Variants in TMEM135 observed in about 807,000 individuals in gnomAD.
The protein encoded by TMEM135 is peroxisomal membrane protein 52.
In TMEM135, 30 loss-of-function variants were observed where a neutral mutation model predicts 60.3. That is an observed-to-expected ratio of 0.50 (90% CI 0.37 to 0.68). The LOEUF (loss-of-function observed/expected upper bound fraction) is 0.68. TMEM135 is among the 30% of genes least tolerant of loss of function. The pLI, the probability that TMEM135 is intolerant of heterozygous loss-of-function variation, is 0.00. For missense variants in TMEM135, 468 were observed against 548.8 expected (o/e 0.85, Z 1.47); for synonymous variants, 190 against 186.7 (o/e 1.02, Z -0.14).
At chr11:87,202,011 TAATG>T (rs1591099859) in intron 5 of TMEM135, among the ~76,000 whole-genome samples, 1 of 42,398 alleles carries the variant, frequency 2.4e-5, no homozygotes, top group East Asian at 1.3e-3. Context: ...TTATGTTATG[TAATG>T]TTATGTTATG....
intron 6 of TMEM135, among the ~76,000 whole-genome samples, chr11:87,254,443 A>G (rs192096527): frequency 3.6e-4 from 55 of 152,286 alleles, no homozygotes; most frequent in African/African-American, 1.2e-3. Context: ...GTGGCCTTCA[A>G]TAAGATACTT....
intron 1 of TMEM135, among the ~76,000 whole-genome samples, chr11:87,038,902 A>G (rs1356368862): frequency 2.0e-5 from 3 of 152,200 alleles, no homozygotes; most frequent in Admixed American, 6.5e-5. Context: ...GGCAGTATGT[A>G]TATGTAACAC....
At chr11:87,239,007 C>G (rs995482176) in intron 6 of TMEM135, among the ~76,000 whole-genome samples, 1 of 151,924 alleles carries the variant, frequency 6.6e-6, no homozygotes. Context: ...GTTAAATACA[C>G]CAATAAAGAC....
intron 5 of TMEM135, among the ~76,000 whole-genome samples, chr11:87,169,203 G>A (rs766251193): frequency 4.0e-5 from 6 of 149,050 alleles, no homozygotes; most frequent in East Asian, 2.0e-4. Flanking sequence ...GTCTTTGCAC[G>A]TGAGATGGGA....
At chr11:87,204,383 T>C (rs1297053886) in intron 5 of TMEM135, among the ~76,000 whole-genome samples, 1 of 152,174 alleles carries the variant, frequency 6.6e-6, no homozygotes, top group Non-Finnish European at 1.5e-5. Flanking sequence ...GAGTACCTTT[T>C]GTCCCATTCA....
At chr11:87,181,037 T>G (rs1939500907) in intron 5 of TMEM135, among the ~76,000 whole-genome samples, 1 of 152,214 alleles carries the variant, frequency 6.6e-6, no homozygotes, top group Admixed American at 6.5e-5. Flanking sequence ...GAGCAGCTAT[T>G]ATAACTCTGT....
chr11:87,262,654 T>C (rs1363473113), intron 6 of TMEM135, among the ~76,000 whole-genome samples: 2 of 152,196 alleles, frequency 1.3e-5, no homozygotes, highest in Non-Finnish European at 2.9e-5. Flanking sequence ...CTGAGTGGCA[T>C]ATAACAGCAA....
intron 1 of TMEM135, among the ~76,000 whole-genome samples, chr11:87,061,112 A>G (rs1949942370): frequency 6.6e-6 from 1 of 152,206 alleles, no homozygotes; most frequent in African/African-American, 2.4e-5. Context: ...TTTGTATGGT[A>G]TATAGGATGG....
At chr11:87,169,122 A>C (rs537712) in intron 5 of TMEM135, among the ~76,000 whole-genome samples, 64,788 of 150,330 alleles carry the variant, frequency 0.43, 14,818 homozygotes, top group East Asian at 0.67. Context: ...AGGATTGCAA[A>C]CCTTGCTTTT....
intron 5 of TMEM135, among the ~76,000 whole-genome samples, chr11:87,202,962 G>A (rs1404820126): frequency 6.7e-6 from 1 of 148,902 alleles, no homozygotes; most frequent in Non-Finnish European, 1.5e-5. Context: ...GAACCCGGGA[G>A]GCGGAGCTTG....
intron 3 of TMEM135, among the ~76,000 whole-genome samples, chr11:87,076,752 A>G (rs1346821352): frequency 6.6e-6 from 1 of 152,042 alleles, no homozygotes; most frequent in African/African-American, 2.4e-5. Context: ...GCAGGTGATG[A>G]ATCCTGCCAG....
At chr11:87,276,090 A>G (rs187201684) in intron 6 of TMEM135, among the ~76,000 whole-genome samples, 19 of 152,338 alleles carry the variant, frequency 1.2e-4, no homozygotes, top group Admixed American at 3.9e-4. Flanking sequence ...CTTTTGACTC[A>G]GCAGGATTTC....
intron 6 of TMEM135, among the ~76,000 whole-genome samples, chr11:87,241,854 A>C (rs1941142860): frequency 6.6e-6 from 1 of 151,776 alleles, no homozygotes; most frequent in South Asian, 2.1e-4. Flanking sequence ...TTTTTTAAAA[A>C]AAAATTTATT....
intron 6 of TMEM135, chr11:87,258,945 C>G: frequency 6.8e-7 from 1 of 1,478,946 alleles, no homozygotes; most frequent in Non-Finnish European, 9.4e-7. Context: ...GCAGTTGCTG[C>G]TGTTGCTCGG....
chr11:87,121,057 A>G (rs1220075227), intron 4 of TMEM135: 1 of 152,182 alleles, frequency 6.6e-6, no homozygotes, highest in Non-Finnish European at 1.5e-5. Context: ...GTTTCAGCAA[A>G]GTGGAAGAAG....
intron 4 of TMEM135, among the ~76,000 whole-genome samples, chr11:87,130,935 T>G (rs1334516315): frequency 7.9e-6 from 1 of 126,150 alleles, no homozygotes; most frequent in Non-Finnish European, 1.7e-5. Flanking sequence ...TACAGTTTTC[T>G]TTTTTTTTTT....
intron 6 of TMEM135, among the ~76,000 whole-genome samples, chr11:87,253,742 A>T (rs920015886): frequency 1.4e-4 from 13 of 95,068 alleles, no homozygotes; most frequent in Admixed American, 1.2e-3. Flanking sequence ...ACCTGTTAGC[A>T]TTGTTAAGGT....
chr11:87,261,888 G>A (rs181568231), intron 6 of TMEM135, among the ~76,000 whole-genome samples: 1 of 152,294 alleles, frequency 6.6e-6, no homozygotes, highest in East Asian at 1.9e-4. Flanking sequence ...GCCTGCCAAA[G>A]TGTTGAGATT....
At chr11:87,209,347 A>G (rs1351068668) in intron 5 of TMEM135, among the ~76,000 whole-genome samples, 1 of 152,194 alleles carries the variant, frequency 6.6e-6, no homozygotes, top group Non-Finnish European at 1.5e-5. Flanking sequence ...AAATAAAGAG[A>G]TGGAGAAAGG....
Sources: gnomAD v4.1 joint callset for allele counts (sites outside exome capture counted in the v4.1 genomes callset) on GRCh38, gnomAD v4.1.1 for gene constraint, MANE v1.5 for transcripts, NCBI Gene and HGNC (gene_info 2026-07-23, HGNC 2026-07-21) for gene names.